ANO4: variants seen among roughly 807,000 people sequenced by gnomAD.
ANO4 encodes anoctamin 4.
Under a neutral mutation model 141.9 loss-of-function variants are expected in ANO4, and 69 were observed. The observed-to-expected ratio is 0.49, with a 90% CI of 0.40 to 0.59. The LOEUF (loss-of-function observed/expected upper bound fraction) is 0.59. ANO4 is among the 20% of genes least tolerant of loss of function. The pLI, the probability that ANO4 is intolerant of heterozygous loss-of-function variation, is 0.00. For synonymous variants in ANO4, 350 were observed against 394.3 expected (o/e 0.89, Z 1.33); for missense variants, 894 against 1,162.2 (o/e 0.77, Z 3.36).
At chr12:100,752,240 G>T (rs1593270126) in intron 3 of ANO4, among the ~76,000 whole-genome samples, 1 of 152,156 alleles carries the variant, frequency 6.6e-6, no homozygotes, top group East Asian at 1.9e-4. Flanking sequence ...ATAGTAAAAT[G>T]CTATGTAGTT....
At chr12:100,761,037 A>G (rs920987700) in intron 3 of ANO4, among the ~76,000 whole-genome samples, 3 of 152,124 alleles carry the variant, frequency 2.0e-5, no homozygotes, top group African/African-American at 7.2e-5. Context: ...TTTGGCTACC[A>G]GGGACTTCCT....
At chr12:100,853,858 T>A (rs1255071788) in intron 1 of ANO4, among the ~76,000 whole-genome samples, 1 of 152,152 alleles carries the variant, frequency 6.6e-6, no homozygotes, top group Non-Finnish European at 1.5e-5. Context: ...ATATTACAAT[T>A]GTTCAGTATT....
chr12:100,723,210 C>T (rs150091937), intron 1 of ANO4, among the ~76,000 whole-genome samples: 18 of 152,094 alleles, frequency 1.2e-4, no homozygotes, highest in East Asian at 1.9e-4. Context: ...TCCTTTAAAA[C>T]GTTATGTTTT....
At chr12:100,751,985 A>G (rs551411615) in intron 3 of ANO4, among the ~76,000 whole-genome samples, 1 of 152,286 alleles carries the variant, frequency 6.6e-6, no homozygotes, top group East Asian at 1.9e-4. Context: ...CAGCTTTGTG[A>G]CTTATCATGT....
At chr12:100,814,609 G>C (rs757575092) in intron 1 of ANO4, among the ~76,000 whole-genome samples, 1 of 152,046 alleles carries the variant, frequency 6.6e-6, no homozygotes, top group African/African-American at 2.4e-5. Flanking sequence ...GCAGGACTCT[G>C]TCTATCTCAG....
At chr12:101,106,443 CAT>C (rs1290439769) in intron 22 of ANO4, among the ~76,000 whole-genome samples, 1 of 151,646 alleles carries the variant, frequency 6.6e-6, no homozygotes, top group African/African-American at 2.4e-5. Context: ...TCAAAATTAT[CAT>C]GTGATATGAA....
chr12:101,015,672 C>A (rs898521131), intron 8 of ANO4, among the ~76,000 whole-genome samples: 6 of 152,082 alleles, frequency 3.9e-5, no homozygotes, highest in Non-Finnish European at 5.9e-5. Flanking sequence ...AAGATATATG[C>A]GTAGTTTTGA....
chr12:100,815,710 TAATA>T (rs1404713482), intron 1 of ANO4, among the ~76,000 whole-genome samples: 1 of 152,014 alleles, frequency 6.6e-6, no homozygotes, highest in Non-Finnish European at 1.5e-5. Flanking sequence ...ATACTATTGT[TAATA>T]AATAATATTT....
chr12:100,950,621 A>G (rs1024385515), intron 5 of ANO4, among the ~76,000 whole-genome samples: 13 of 152,190 alleles, frequency 8.5e-5, no homozygotes, highest in Non-Finnish European at 4.4e-5. Context: ...AGCCAAAAGC[A>G]TGGCCTCAGC....
intron 2 of ANO4, among the ~76,000 whole-genome samples, chr12:100,912,543 A>C (rs1006990092): frequency 2.0e-5 from 3 of 151,998 alleles, no homozygotes; most frequent in South Asian, 2.1e-4. Flanking sequence ...CAAAAAAAAA[A>C]CAAAAAAACA....
intron 2 of ANO4, among the ~76,000 whole-genome samples, chr12:100,921,712 G>A (rs1221652702): frequency 3.3e-5 from 5 of 151,984 alleles, no homozygotes; most frequent in Admixed American, 1.3e-4. Context: ...TTTCAAATTC[G>A]GATACAGTTG....
At chr12:101,060,547 A>G (rs1309163370) in intron 14 of ANO4, among the ~76,000 whole-genome samples, 1 of 152,142 alleles carries the variant, frequency 6.6e-6, no homozygotes, top group Non-Finnish European at 1.5e-5. Context: ...AACTTGCTTT[A>G]TGAATCTGGG....
intron 1 of ANO4, among the ~76,000 whole-genome samples, chr12:100,731,875 C>T (rs895355019): frequency 6.6e-6 from 1 of 152,186 alleles, no homozygotes; most frequent in Non-Finnish European, 1.5e-5. Context: ...GGATATACCA[C>T]AGTTTTATTT....
chr12:100,741,701 C>T (rs942469664), intron 3 of ANO4, among the ~76,000 whole-genome samples: 5 of 152,070 alleles, frequency 3.3e-5, no homozygotes, highest in Non-Finnish European at 5.9e-5. Flanking sequence ...AGTTTGACAG[C>T]GGAAAGAAAT....
rs183955370 is a variant in ANO4, at chr12:100,766,844, A to C, written c.358+26739A>C. 3.8e-3 allele frequency among the ~76,000 whole-genome samples: 566 copies of C among 148,424 alleles called. 2 individuals are homozygous for C. Among genetic ancestry groups the C allele is most frequent in the African/African-American group, 0.014 (532 of 38,002 alleles). ...TTCTACTAGTGTTGTGTTTCTCTCT[A>C]TTTCACCCTTCATTTCTGTTACTAT... On this transcript the variant is annotated intron_variant, in intron 3 of 29. Coordinates refer to the ANO4 transcript ENST00000644049.
At chr12:100,948,164 A>G (rs2042815131) in intron 5 of ANO4, among the ~76,000 whole-genome samples, 1 of 151,312 alleles carries the variant, frequency 6.6e-6, no homozygotes, top group East Asian at 1.9e-4. Context: ...AAAAAAAAAA[A>G]AAAAAAAAAA....
At chr12:100,940,273 A>G (rs958560844) in intron 4 of ANO4, among the ~76,000 whole-genome samples, 3 of 152,038 alleles carry the variant, frequency 2.0e-5, no homozygotes, top group Admixed American at 6.6e-5. Flanking sequence ...TACTTTGGAA[A>G]CCATAATGTG....
intron 8 of ANO4, among the ~76,000 whole-genome samples, chr12:100,989,975 A>AGATGGATGGACG (rs111933194): frequency 3.0e-5 from 4 of 131,852 alleles, no homozygotes; most frequent in African/African-American, 1.2e-4. Flanking sequence ...ATAGGTCACC[A>AGATGGATGGACG]GATGGATGGA....
intron 1 of ANO4, among the ~76,000 whole-genome samples, chr12:100,817,131 G>A (rs920183305): frequency 3.3e-5 from 5 of 151,712 alleles, no homozygotes; most frequent in Non-Finnish European, 1.5e-5. Context: ...ATATGATTAG[G>A]CATTTATATA....
Sources: gnomAD v4.1 joint callset for allele counts (sites outside exome capture counted in the v4.1 genomes callset) on GRCh38, gnomAD v4.1.1 for gene constraint, MANE v1.5 for transcripts, NCBI Gene and HGNC (gene_info 2026-07-23, HGNC 2026-07-21) for gene names.